The following AGBL4 variants were observed in gnomAD, a reference collection of about 807,000 sequenced individuals.
AGBL4 encodes the protein cytosolic carboxypeptidase 6.
Under a neutral mutation model 66.4 loss-of-function variants are expected in AGBL4, and 58 were observed. The observed-to-expected ratio is 0.87, with a 90% CI of 0.71 to 1.09. AGBL4 has a LOEUF of 1.09. Ranked by LOEUF, AGBL4 falls within the 50% of genes least tolerant of loss-of-function variation. The pLI, the probability that AGBL4 is intolerant of heterozygous loss-of-function variation, is 0.00. For synonymous variants in AGBL4, 234 were observed against 222.9 expected, an observed-to-expected ratio of 1.05 and a Z score of -0.44; for missense variants, 579 against 631.0, an observed-to-expected ratio of 0.92 and a Z score of 0.88.
intron 5 of AGBL4, among the ~76,000 whole-genome samples, chr1:49,006,387 G>A (rs1309788401): frequency 3.9e-5 from 6 of 152,164 alleles, no homozygotes; most frequent in Admixed American, 2.6e-4. Flanking sequence ...CGCCCACGGA[G>A]TCTTGCTGAT....
chr1:49,118,014 C>T (rs894388114), intron 4 of AGBL4, among the ~76,000 whole-genome samples: 1 of 151,606 alleles, frequency 6.6e-6, no homozygotes, highest in Non-Finnish European at 1.5e-5. Flanking sequence ...TGATTTGGCT[C>T]TCTGTCTGTT....
chr1:48,930,612 C>G (rs1006946734), intron 5 of AGBL4, among the ~76,000 whole-genome samples: 4 of 152,136 alleles, frequency 2.6e-5, no homozygotes, highest in Non-Finnish European at 5.9e-5. Context: ...GATCCTCTTC[C>G]ATTTCTGAGC....
intron 8 of AGBL4, among the ~76,000 whole-genome samples, chr1:48,643,700 T>C (rs1645792962): frequency 6.6e-6 from 1 of 152,250 alleles, no homozygotes. Flanking sequence ...ATGAAAAGAA[T>C]GGGTCTTCTT....
chr1:49,925,696 T>G (rs1652695307), intron 1 of AGBL4, among the ~76,000 whole-genome samples: 1 of 152,192 alleles, frequency 6.6e-6, no homozygotes, highest in Non-Finnish European at 1.5e-5. Context: ...ACAAGCTGGC[T>G]GAAGAGCCCT....
chr1:49,206,318 A>G (rs1648123350), intron 4 of AGBL4, among the ~76,000 whole-genome samples: 1 of 152,114 alleles, frequency 6.6e-6, no homozygotes, highest in Admixed American at 6.6e-5. Flanking sequence ...TAAAACAAAA[A>G]CAAAAACAAA....
At chr1:49,443,138 G>A (rs1461838584) in intron 3 of AGBL4, among the ~76,000 whole-genome samples, 1 of 151,862 alleles carries the variant, frequency 6.6e-6, no homozygotes, top group Non-Finnish European at 1.5e-5. Flanking sequence ...CTTTTTTCCT[G>A]TTGAATTGCT....
intron 6 of AGBL4, among the ~76,000 whole-genome samples, chr1:48,675,977 G>T (rs1282658284): frequency 4.6e-5 from 7 of 152,160 alleles, no homozygotes; most frequent in Admixed American, 3.3e-4. Context: ...TTTCCAGAGG[G>T]TGTTTTTATA....
At chr1:49,866,237 C>G (rs1244482555) in intron 1 of AGBL4, among the ~76,000 whole-genome samples, 10 of 152,150 alleles carry the variant, frequency 6.6e-5, no homozygotes, top group Middle Eastern at 3.4e-3. Context: ...GGCCAACATT[C>G]AAATTCAGAA....
In AGBL4 at chr1:49,234,602, C is replaced by G. The variant is rs944316124; in HGVS notation, c.377+11168G>C. ...GACTATGCCAATTTGTTTTTTGTGG[C>G]CTTTGTGTTTTATTTTTCCAGGGTC... On this transcript the variant is annotated intron_variant, in intron 4 of 13. Coordinates refer to ENST00000371839, the MANE Select transcript of AGBL4 (RefSeq NM_032785.4). 2.6e-5 allele frequency among the ~76,000 whole-genome samples: 4 copies of G among 151,992 alleles called. No individual in the cohort carries two copies. In the South Asian group the frequency reaches 8.3e-4, roughly 32 times the overall value.
At chr1:49,006,652 G>A (rs1196361571) in intron 5 of AGBL4, among the ~76,000 whole-genome samples, 2 of 151,746 alleles carry the variant, frequency 1.3e-5, no homozygotes, top group Non-Finnish European at 2.9e-5. Context: ...AGAGAGCAGT[G>A]GTTCTCCCAG....
intron 2 of AGBL4, chr1:49,842,170 T>G (rs913884593): frequency 2.4e-6 from 1 of 412,808 alleles, no homozygotes; most frequent in Non-Finnish European, 4.6e-6. Context: ...TGGAGGAGCA[T>G]GTGACCTTTG....
chr1:49,756,517 C>T (rs1185070774), intron 2 of AGBL4, among the ~76,000 whole-genome samples: 2 of 152,168 alleles, frequency 1.3e-5, no homozygotes, highest in East Asian at 1.9e-4. Context: ...ATGACTGATA[C>T]TTACTACTAT....
At chr1:48,821,992 G>T (rs1194756554) in intron 6 of AGBL4, among the ~76,000 whole-genome samples, 1 of 152,114 alleles carries the variant, frequency 6.6e-6, no homozygotes, top group East Asian at 1.9e-4. Context: ...TTAGGGAAAT[G>T]CAAATTAAAG....
At chr1:49,953,560 C>G (rs1656339834) in intron 1 of AGBL4, among the ~76,000 whole-genome samples, 1 of 151,858 alleles carries the variant, frequency 6.6e-6, no homozygotes, top group Non-Finnish European at 1.5e-5. Context: ...ACAGGTTGAG[C>G]ACGCTTAATC....
At chr1:49,572,993 G>T (rs1644361483) in intron 3 of AGBL4, among the ~76,000 whole-genome samples, 1 of 152,122 alleles carries the variant, frequency 6.6e-6, no homozygotes, top group South Asian at 2.1e-4. Context: ...TCTTGCCCTT[G>T]AACATCAGAC....
At chr1:48,566,958 GTC>G (rs1176232318) in intron 11 of AGBL4, among the ~76,000 whole-genome samples, 1 of 152,092 alleles carries the variant, frequency 6.6e-6, no homozygotes, top group Non-Finnish European at 1.5e-5. Context: ...GAGATAAACT[GTC>G]TCTACAAAAA....
At chr1:48,602,622 G>T (rs970113599) in intron 9 of AGBL4, among the ~76,000 whole-genome samples, 2 of 152,168 alleles carry the variant, frequency 1.3e-5, no homozygotes, top group African/African-American at 4.8e-5. Context: ...TTTCAAAGAA[G>T]TGTTCGAGGG....
At chr1:48,702,678 A>G (rs972203717) in intron 6 of AGBL4, among the ~76,000 whole-genome samples, 4 of 152,202 alleles carry the variant, frequency 2.6e-5, no homozygotes, top group Non-Finnish European at 5.9e-5. Flanking sequence ...GGCATCCAGG[A>G]ACACCTGGAC....
chr1:48,644,636 G>C (rs1256696457), intron 8 of AGBL4, among the ~76,000 whole-genome samples: 2 of 152,200 alleles, frequency 1.3e-5, no homozygotes, highest in Admixed American at 6.6e-5. Flanking sequence ...AGCAAGAGCA[G>C]GCTGGTTTAA....
Sources: allele counts gnomAD v4.1 joint callset (sites outside exome capture counted in the v4.1 genomes callset), GRCh38; gene constraint gnomAD v4.1.1; transcripts MANE v1.5; gene names NCBI Gene and HGNC (gene_info 2026-07-23, HGNC 2026-07-21).